Variants in SUPT3H observed in about 807,000 individuals in gnomAD.
SUPT3H encodes transcription initiation protein SPT3 homolog.
In SUPT3H, 44 loss-of-function variants were observed where a neutral mutation model predicts 44.3. That is an observed-to-expected ratio of 0.99 (90% CI 0.78 to 1.28). The LOEUF (loss-of-function observed/expected upper bound fraction) is 1.28, where lower values mean the gene tolerates loss of function less well. Among genes scored for constraint, SUPT3H ranks in the 50% most tolerant of loss-of-function variants. SUPT3H has a pLI of 0.00. For missense variants in SUPT3H, 380 were observed against 387.1 expected (o/e 0.98, Z 0.15); for synonymous variants, 124 against 125.6 (o/e 0.99, Z 0.09).
intron 2 of SUPT3H, among the ~76,000 whole-genome samples, chr6:45,326,869 C>T (rs1786431275): frequency 6.6e-6 from 1 of 151,864 alleles, no homozygotes. Context: ...CTCCGCCCAC[C>T]CCATTTACTT....
intron 3 of SUPT3H, among the ~76,000 whole-genome samples, chr6:45,067,905 C>T (rs1452149940): frequency 5.5e-5 from 8 of 145,570 alleles, no homozygotes; most frequent in South Asian, 4.5e-4. Flanking sequence ...GTCAGTGTGG[C>T]GATTCCTCAG....
intron 3 of SUPT3H, among the ~76,000 whole-genome samples, chr6:45,031,294 A>G (rs960008445): frequency 4.3e-4 from 66 of 152,200 alleles, no homozygotes; most frequent in African/African-American, 1.5e-3. Flanking sequence ...GGATGTAAAT[A>G]ATTTGTGGAT....
chr6:45,001,606 C>A (rs1343260083), intron 6 of SUPT3H, among the ~76,000 whole-genome samples: 6 of 151,934 alleles, frequency 3.9e-5, no homozygotes, highest in African/African-American at 1.4e-4. Context: ...AGCTAGAATA[C>A]CAAGTGAGTT....
At chr6:45,036,530 G>A (rs1056677804) in intron 3 of SUPT3H, among the ~76,000 whole-genome samples, 1 of 152,018 alleles carries the variant, frequency 6.6e-6, no homozygotes, top group East Asian at 1.9e-4. Flanking sequence ...GAAAAAATGA[G>A]GTCACAGGTA....
At chr6:44,960,279 C>T (rs904345649) in intron 7 of SUPT3H, among the ~76,000 whole-genome samples, 9 of 151,546 alleles carry the variant, frequency 5.9e-5, no homozygotes, top group East Asian at 1.9e-4. Context: ...TGGTGGTGCA[C>T]GCCTGTAGTC....
chr6:45,250,764 G>A (rs990940050), intron 2 of SUPT3H, among the ~76,000 whole-genome samples: 1 of 150,656 alleles, frequency 6.6e-6, no homozygotes, highest in African/African-American at 2.4e-5. Flanking sequence ...GATCCTAAAA[G>A]CATCAAGTAA....
At chr6:44,989,640 T>C (rs1382032677) in intron 6 of SUPT3H, among the ~76,000 whole-genome samples, 1 of 152,154 alleles carries the variant, frequency 6.6e-6, no homozygotes, top group Non-Finnish European at 1.5e-5. Context: ...CAAAGGTTCC[T>C]ATTCCTCCAC....
At chr6:45,011,232 A>G (rs940814985) in intron 5 of SUPT3H, among the ~76,000 whole-genome samples, 1 of 152,116 alleles carries the variant, frequency 6.6e-6, no homozygotes, top group East Asian at 1.9e-4. Context: ...TTACCTTTAT[A>G]GAATTAGTTG....
chr6:45,326,810 T>C (rs555975109), intron 2 of SUPT3H, among the ~76,000 whole-genome samples: 3 of 152,080 alleles, frequency 2.0e-5, no homozygotes, highest in Admixed American at 2.0e-4. Flanking sequence ...CCTGTCTCCC[T>C]AGCCCTTACC....
chr6:45,376,234 G>A (rs1265770693), intron 1 of SUPT3H, among the ~76,000 whole-genome samples: 2 of 152,178 alleles, frequency 1.3e-5, no homozygotes, highest in African/African-American at 2.4e-5. Context: ...CTGAACTGCA[G>A]TATTTGAATG....
intron 10 of SUPT3H, among the ~76,000 whole-genome samples, chr6:44,888,979 A>T (rs9472400): frequency 0.98 from 105,233 of 107,402 alleles, 51,617 homozygotes; most frequent in South Asian, 1. Context: ...ACAACAGACA[A>T]ACAGAGAGCC....
chr6:45,338,945 G>A (rs916504459), intron 2 of SUPT3H, among the ~76,000 whole-genome samples: 1 of 151,980 alleles, frequency 6.6e-6, no homozygotes, highest in African/African-American at 2.4e-5. Context: ...AGACACATAA[G>A]TATAAACTAT....
At chr6:44,969,765 T>C (rs1393386914) in intron 6 of SUPT3H, among the ~76,000 whole-genome samples, 1 of 152,244 alleles carries the variant, frequency 6.6e-6, no homozygotes, top group Non-Finnish European at 1.5e-5. Flanking sequence ...AAATGCAGTA[T>C]ATTTTCTATA....
At chr6:45,360,225 C>CT (rs2150244385) in intron 2 of SUPT3H, among the ~76,000 whole-genome samples, 1 of 152,262 alleles carries the variant, frequency 6.6e-6, no homozygotes, top group Admixed American at 6.5e-5. Flanking sequence ...CTTTGTGGCT[C>CT]TATTCTTTCG....
intron 10 of SUPT3H, among the ~76,000 whole-genome samples, chr6:44,848,729 CTG>C (rs1333366594): frequency 6.6e-6 from 1 of 152,272 alleles, no homozygotes; most frequent in East Asian, 1.9e-4. Flanking sequence ...GTGAACCTAA[CTG>C]TAATTCTGGA....
At chr6:45,358,947 G>C (rs930103716) in intron 2 of SUPT3H, among the ~76,000 whole-genome samples, 2 of 152,042 alleles carry the variant, frequency 1.3e-5, no homozygotes, top group Admixed American at 1.3e-4. Flanking sequence ...GCAATTTTAG[G>C]CTGATGGGTC....
At chr6:45,221,446 C>A (rs922224331) in intron 2 of SUPT3H, among the ~76,000 whole-genome samples, 1 of 151,954 alleles carries the variant, frequency 6.6e-6, no homozygotes, top group Non-Finnish European at 1.5e-5. Flanking sequence ...TTTATAAATG[C>A]TAACAATTAA....
chr6:45,184,406 T>C (rs185503987), intron 2 of SUPT3H, among the ~76,000 whole-genome samples: 60 of 152,226 alleles, frequency 3.9e-4, no homozygotes, highest in Non-Finnish European at 7.1e-4. Flanking sequence ...GATGTCCAAA[T>C]TGATGAAAAT....
At chr6:45,190,466 T>C (rs573385742) in intron 2 of SUPT3H, among the ~76,000 whole-genome samples, 1 of 152,160 alleles carries the variant, frequency 6.6e-6, no homozygotes, top group South Asian at 2.1e-4. Flanking sequence ...AAACTCTGTA[T>C]ACGGGCCAAT....
Sources: allele counts gnomAD v4.1 joint callset (sites outside exome capture counted in the v4.1 genomes callset), GRCh38; gene constraint gnomAD v4.1.1; transcripts MANE v1.5; gene names NCBI Gene and HGNC (gene_info 2026-07-23, HGNC 2026-07-21).